Variants in SPACA1 observed in about 807,000 individuals in gnomAD.
SPACA1 encodes the protein sperm acrosome membrane-associated protein 1.
In SPACA1, 17 loss-of-function variants were observed where a neutral mutation model predicts 32.6. That is an observed-to-expected ratio of 0.52 (90% CI 0.36 to 0.78). The LOEUF is 0.78. Ranked by LOEUF, SPACA1 falls within the 30% of genes least tolerant of loss-of-function variation. The pLI, the probability that SPACA1 is intolerant of heterozygous loss-of-function variation, is 0.01. For missense variants in SPACA1, 363 were observed against 373.4 expected (o/e 0.97, Z 0.23); for synonymous variants, 140 against 138.1 (o/e 1.01, Z -0.10).
chr6:88,052,564 C>T (rs868330792), intron 1 of SPACA1, among the ~76,000 whole-genome samples: 1 of 152,118 alleles, frequency 6.6e-6, no homozygotes, highest in African/African-American at 2.4e-5. Flanking sequence ...GGGCTGGGCA[C>T]GGTGGCTTAT....
At chr6:88,047,806 C>A, upstream of SPACA1, 2 of 1,185,700 alleles carry the variant, frequency 1.7e-6, no homozygotes, top group Non-Finnish European at 1.1e-6. Flanking sequence ...GATTCGGAGC[C>A]GGGCGGCTAC....
chr6:88,059,422 G>A (rs1775857598), intron 4 of SPACA1, 31 bp from the exon 5 acceptor site: 2 of 1,546,774 alleles, frequency 1.3e-6, no homozygotes, highest in Admixed American at 1.9e-5. Flanking sequence ...GAAAAATGTT[G>A]ATACTTTGTT....
chr6:88,059,419 G>A lies in SPACA1; in HGVS notation c.475-34G>A, dbSNP rs765555063. 88 of 1,540,412 alleles carry A rather than the reference G, an allele frequency of 5.7e-5. 2 individuals are homozygous for A. The South Asian group carries it at 1.0e-3, about 18-fold the overall frequency. On this transcript the variant is annotated intron_variant, in intron 4 of 6. Coordinates refer to ENST00000237201, the MANE Select transcript of SPACA1 (RefSeq NM_030960.3). Reference sequence around the variant, plus strand: ...TTCCTGGTAAGTGTACATGAAAAATGTTGATACTTTGTTATTTTTTTCTTT... The same window carrying A: ...TTCCTGGTAAGTGTACATGAAAAATATTGATACTTTGTTATTTTTTTCTTT...
At chr6:88,065,024 T>C (rs1332453462) in intron 6 of SPACA1, among the ~76,000 whole-genome samples, 1 of 149,036 alleles carries the variant, frequency 6.7e-6, no homozygotes, top group African/African-American at 2.4e-5. Flanking sequence ...TGATTGTGTA[T>C]ACATCACATA....
chr6:88,054,232 T>C (rs529607094), intron 2 of SPACA1, among the ~76,000 whole-genome samples: 1 of 151,982 alleles, frequency 6.6e-6, no homozygotes, highest in East Asian at 1.9e-4. Flanking sequence ...CCTATTTTTT[T>C]TTTTTTTGCA....
At chr6:88,056,673 C>G (rs1775813509) in intron 2 of SPACA1, among the ~76,000 whole-genome samples, 1 of 152,110 alleles carries the variant, frequency 6.6e-6, no homozygotes, top group African/African-American at 2.4e-5. Flanking sequence ...CCTTTGCCCT[C>G]TAAGATAACA....
At position 88,064,233 on chromosome 6, in the gene SPACA1, G is replaced by A. The variant is rs779225986; in HGVS notation, c.731+14G>A. 5 of 1,603,914 alleles carry A rather than the reference G, an allele frequency of 3.1e-6. No individual in the cohort carries two copies. The highest frequency in any genetic ancestry group is 3.4e-5 in the Admixed American group (2 of 58,954). The stretch of plus-strand genomic sequence containing the variant: ...AATCATAAATTGGTAGGTGAATAGT[G>A]GAATGCATCATCACCCTTGATTGAC... On this transcript the variant is annotated intron_variant, in intron 6 of 6. Transcript: ENST00000237201.
At chr6:88,050,387 T>C (rs533453006) in intron 1 of SPACA1, among the ~76,000 whole-genome samples, 1 of 152,346 alleles carries the variant, frequency 6.6e-6, no homozygotes, top group East Asian at 1.9e-4. Context: ...TCATCATCTC[T>C]CATTGAGATT....
chr6:88,062,810 G>T (rs1775916501), intron 5 of SPACA1, among the ~76,000 whole-genome samples: 1 of 152,120 alleles, frequency 6.6e-6, no homozygotes, highest in African/African-American at 2.4e-5. Context: ...GGGGTATGTG[G>T]ATATGTGTAT....
Position 88,059,550 on chromosome 6 carries a change from T to G in SPACA1, c.572T>G (p.Ile191Arg). ...FECDTLDNNE[I>R]VATIKFTVYT... ...TGTGACACACTGGATAATAATGAAA[T>G]AGTAGCAACTATTAAATTCACAGTC... Residue 191 changes from isoleucine to arginine, a missense_variant, in exon 5 of 7, where the codon ATA (isoleucine) becomes AGA (arginine). By Grantham distance (97) the Ile-to-Arg change is moderately conservative (BLOSUM62 -3). Transcript: ENST00000237201. 6.2e-7 allele frequency: 1 copy of G among 1,613,506 alleles called. No homozygotes were observed.
At chr6:88,058,011 C>T (rs964808132) in intron 3 of SPACA1, among the ~76,000 whole-genome samples, 25 of 152,232 alleles carry the variant, frequency 1.6e-4, no homozygotes, top group Non-Finnish European at 1.6e-4. Context: ...GCTTTTGATG[C>T]TTTGGTCATG....
At position 88,066,179 on chromosome 6, in the gene SPACA1, C is replaced by T; in HGVS notation, c.732-3C>T. ...TGGTTTTGGTTTTTGTTTTTTCTTCCAGGGCAGCAGTCAAGGCTTTCTGGG... is the reference window on the plus strand; with the variant it reads ...TGGTTTTGGTTTTTGTTTTTTCTTCTAGGGCAGCAGTCAAGGCTTTCTGGG... On this transcript the variant is annotated splice_polypyrimidine_tract_variant and splice_region_variant and intron_variant, in intron 6 of 6. Transcript: ENST00000237201. 6 of 1,541,010 alleles carry T rather than the reference C, an allele frequency of 3.9e-6. No individual in the cohort carries two copies. The highest frequency in any genetic ancestry group is 1.3e-5 in the South Asian group (1 of 77,778).
At chr6:88,061,966 A>T (rs1321503414) in intron 5 of SPACA1, among the ~76,000 whole-genome samples, 1 of 152,160 alleles carries the variant, frequency 6.6e-6, no homozygotes, top group Non-Finnish European at 1.5e-5. Context: ...CTCTCAGCTA[A>T]CATTGCAGAG....
chr6:88,048,601 G>A (rs1775681918), intron 1 of SPACA1, among the ~76,000 whole-genome samples: 1 of 152,120 alleles, frequency 6.6e-6, no homozygotes, highest in African/African-American at 2.4e-5. Flanking sequence ...AAGCCCCATG[G>A]CAGCTTCCTG....
intron 2 of SPACA1, among the ~76,000 whole-genome samples, chr6:88,055,052 TA>T (rs1349503349): frequency 6.6e-6 from 1 of 152,066 alleles, no homozygotes; most frequent in African/African-American, 2.4e-5. Flanking sequence ...TTTTTTTTTT[TA>T]ACCTTAATTT....
At chr6:88,058,180 T>C (rs192319359) in intron 3 of SPACA1, among the ~76,000 whole-genome samples, 110 of 152,318 alleles carry the variant, frequency 7.2e-4, no homozygotes, top group African/African-American at 2.6e-3. Context: ...AACAGATCAG[T>C]AGGTCAATTA....
chr6:88,056,180 C>T (rs1775804125), intron 2 of SPACA1, among the ~76,000 whole-genome samples: 1 of 152,058 alleles, frequency 6.6e-6, no homozygotes, highest in Non-Finnish European at 1.5e-5. Context: ...ATGGTGAAAC[C>T]CTGTCTCTAC....
intron 1 of SPACA1, among the ~76,000 whole-genome samples, chr6:88,051,789 C>T (rs806429): frequency 0.9 from 137,197 of 152,292 alleles, 62,003 homozygotes; most frequent in African/African-American, 0.96. Context: ...ACCCTGTCAT[C>T]TTTTAGATCC....
intron 4 of SPACA1, among the ~76,000 whole-genome samples, chr6:88,059,225 C>T (rs1775854542): frequency 6.6e-6 from 1 of 152,142 alleles, no homozygotes; most frequent in South Asian, 2.1e-4. Flanking sequence ...TATCATTAAA[C>T]CCATTTTTAC....
Sources: gnomAD v4.1 joint callset for allele counts (sites outside exome capture counted in the v4.1 genomes callset) on GRCh38, gnomAD v4.1.1 for gene constraint, MANE v1.5 for transcripts, NCBI Gene and HGNC (gene_info 2026-07-23, HGNC 2026-07-21) for gene names.